The following SMIM14 variants were observed in gnomAD, a reference collection of about 807,000 sequenced individuals.
SMIM14 encodes small integral membrane protein 14.
SMIM14 carries 5 observed loss-of-function variants against 12.6 expected under a neutral mutation model. The observed-to-expected ratio is 0.40, with a 90% CI of 0.21 to 0.83. SMIM14 has a LOEUF of 0.83. SMIM14 is among the 40% of genes least tolerant of loss of function. The probability of loss-of-function intolerance (pLI) is 0.37; values close to 1 mark genes in which losing one functional copy is unlikely to be tolerated. For missense variants in SMIM14, 86 were observed against 119.1 expected, an observed-to-expected ratio of 0.72 and a Z score of 1.29; for synonymous variants, 30 against 40.1, an observed-to-expected ratio of 0.75 and a Z score of 0.95.
chr4:39,608,182 T>C (rs1490452793), intron 1 of SMIM14, among the ~76,000 whole-genome samples: 4 of 152,156 alleles, frequency 2.6e-5, no homozygotes, highest in South Asian at 2.1e-4. Context: ...TTTGAAAACA[T>C]AGACTCAAGA....
intron 2 of SMIM14, among the ~76,000 whole-genome samples, chr4:39,575,168 C>G (rs1030073094): frequency 6.7e-6 from 1 of 149,896 alleles, no homozygotes; most frequent in African/African-American, 2.5e-5. Context: ...AGCAATCCTC[C>G]TGCTTCAGCC....
At chr4:39,613,415 T>C (rs1469421536) in intron 1 of SMIM14, among the ~76,000 whole-genome samples, 2 of 152,264 alleles carry the variant, frequency 1.3e-5, no homozygotes, top group African/African-American at 2.4e-5. Flanking sequence ...TTTTAAGTAC[T>C]ACTCCGTTTT....
At chr4:39,629,018 C>T (rs1715810756) in intron 1 of SMIM14, among the ~76,000 whole-genome samples, 1 of 151,554 alleles carries the variant, frequency 6.6e-6, no homozygotes, top group Admixed American at 6.6e-5. Flanking sequence ...CAGGCGTGAG[C>T]CACTGTGCCC....
At chr4:39,582,036 T>TA (rs1447503886) in intron 2 of SMIM14, among the ~76,000 whole-genome samples, 5 of 151,996 alleles carry the variant, frequency 3.3e-5, no homozygotes, top group Admixed American at 3.3e-4. Context: ...CACAGCCAGC[T>TA]AGTTTTGTGT....
intron 2 of SMIM14, among the ~76,000 whole-genome samples, chr4:39,588,359 TAG>T (rs1713891705): frequency 6.6e-6 from 1 of 152,064 alleles, no homozygotes; most frequent in African/African-American, 2.4e-5. Context: ...CTGGGCAAAA[TAG>T]AGAGACCCCA....
intron 1 of SMIM14, among the ~76,000 whole-genome samples, chr4:39,613,420 C>T (rs1056990047): frequency 6.6e-6 from 1 of 152,200 alleles, no homozygotes; most frequent in Non-Finnish European, 1.5e-5. Flanking sequence ...AGTACTACTC[C>T]GTTTTCAGTT....
At chr4:39,632,822 CACACAA>C (rs1218516458) in intron 1 of SMIM14, among the ~76,000 whole-genome samples, 9 of 122,784 alleles carry the variant, frequency 7.3e-5, no homozygotes, top group African/African-American at 1.6e-4. Flanking sequence ...CACACACACA[CACACAA>C]AAGAAAAAGA....
chr4:39,604,367 T>A (rs1714725714), intron 2 of SMIM14, among the ~76,000 whole-genome samples: 1 of 151,704 alleles, frequency 6.6e-6, no homozygotes, highest in Non-Finnish European at 1.5e-5. Context: ...TGAAACCCAG[T>A]CTCTACTAAA....
intron 3 of SMIM14, among the ~76,000 whole-genome samples, chr4:39,561,032 T>TTTTTTTC (rs1712284749): frequency 6.9e-6 from 1 of 145,080 alleles, no homozygotes; most frequent in African/African-American, 2.9e-5. Context: ...CAGAGTGATT[T>TTTTTTTC]TTTTTTCTTT....
chr4:39,560,464 G>A (rs905516467), intron 3 of SMIM14, among the ~76,000 whole-genome samples: 1 of 151,882 alleles, frequency 6.6e-6, no homozygotes, highest in African/African-American at 2.4e-5. Context: ...ATGAGCCACC[G>A]CAATCAGCCA....
At chr4:39,578,850 G>C (rs536442862) in intron 2 of SMIM14, among the ~76,000 whole-genome samples, 4 of 152,020 alleles carry the variant, frequency 2.6e-5, no homozygotes, top group Admixed American at 6.6e-5. Context: ...ACAACAATTA[G>C]CCAGGCGTGG....
chr4:39,613,252 T>C (rs918825103), intron 1 of SMIM14, among the ~76,000 whole-genome samples: 8 of 152,310 alleles, frequency 5.3e-5, no homozygotes, highest in Admixed American at 5.2e-4. Flanking sequence ...TCTCTACATC[T>C]ATATGTGCCA....
intron 1 of SMIM14, among the ~76,000 whole-genome samples, chr4:39,611,530 C>T (rs970643820): frequency 6.6e-6 from 1 of 151,262 alleles, no homozygotes; most frequent in African/African-American, 2.4e-5. Flanking sequence ...AACAATTAGC[C>T]AGGAATGGTG....
At chr4:39,615,721 G>A (rs1715198924) in intron 1 of SMIM14, among the ~76,000 whole-genome samples, 2 of 152,076 alleles carry the variant, frequency 1.3e-5, no homozygotes, top group African/African-American at 4.8e-5. Flanking sequence ...CTAAAAAACT[G>A]GATGTGGATC....
intron 2 of SMIM14, among the ~76,000 whole-genome samples, chr4:39,590,022 C>CAAAAAAAAAAAAAAAAAAAAAAAAATA: frequency 1.4e-5 from 1 of 71,352 alleles, no homozygotes; most frequent in Non-Finnish European, 2.6e-5. Flanking sequence ...GACTCTGTTT[C>CAAAAAAAAAAAAAAAAAAAAAAAAATA]AAAAAAAAAA....
At chr4:39,601,026 A>G (rs1578347820) in intron 2 of SMIM14, among the ~76,000 whole-genome samples, 1 of 152,174 alleles carries the variant, frequency 6.6e-6, no homozygotes, top group African/African-American at 2.4e-5. Flanking sequence ...ATTAAAAAAA[A>G]TTTAACATAA....
chr4:39,610,773 A>G (rs10008673), intron 1 of SMIM14, among the ~76,000 whole-genome samples: 141,298 of 151,950 alleles, frequency 0.93, 66,579 homozygotes, highest in Non-Finnish European at 1. Flanking sequence ...ATAAAATTTT[A>G]GGGACTAGAG....
At chr4:39,609,292 T>C (rs1373157725) in intron 1 of SMIM14, among the ~76,000 whole-genome samples, 1 of 152,120 alleles carries the variant, frequency 6.6e-6, no homozygotes, top group African/African-American at 2.4e-5. Flanking sequence ...TATTGTACAT[T>C]TTAAACGGGT....
chr4:39,565,473 G>A (rs1712523307), intron 3 of SMIM14, among the ~76,000 whole-genome samples: 4 of 152,044 alleles, frequency 2.6e-5, no homozygotes, highest in Admixed American at 2.6e-4. Context: ...ATAGGCACAG[G>A]CCACCACGCC....
Sources: gnomAD v4.1 joint callset for allele counts (sites outside exome capture counted in the v4.1 genomes callset) on GRCh38, gnomAD v4.1.1 for gene constraint, MANE v1.5 for transcripts, NCBI Gene and HGNC (gene_info 2026-07-23, HGNC 2026-07-21) for gene names.